Variants in CTDSPL observed in about 807,000 individuals in gnomAD.
CTDSPL encodes the protein CTD small phosphatase-like protein.
Under a neutral mutation model 30.5 loss-of-function variants are expected in CTDSPL, and 8 were observed. The ratio of observed to expected loss-of-function variants is 0.26; its 90% CI spans 0.15 to 0.47. The LOEUF (loss-of-function observed/expected upper bound fraction) is 0.47, where lower values mean the gene tolerates loss of function less well. Ranked by LOEUF, CTDSPL falls within the 20% of genes least tolerant of loss-of-function variation. The probability of loss-of-function intolerance (pLI) is 0.99; values close to 1 mark genes in which losing one functional copy is unlikely to be tolerated. For synonymous variants in CTDSPL, 110 were observed against 137.9 expected, an observed-to-expected ratio of 0.80 and a Z score of 1.42; for missense variants, 248 against 366.1, an observed-to-expected ratio of 0.68 and a Z score of 2.63.
At chr3:37,947,452 A>G (rs1247369980) in intron 2 of CTDSPL, among the ~76,000 whole-genome samples, 1 of 151,888 alleles carries the variant, frequency 6.6e-6, no homozygotes, top group Non-Finnish European at 1.5e-5. Context: ...CCCAGCTACT[A>G]GGGAGGCTGA....
intron 3 of CTDSPL, among the ~76,000 whole-genome samples, chr3:37,960,002 G>A (rs563013132): frequency 4.6e-5 from 7 of 152,220 alleles, no homozygotes; most frequent in South Asian, 2.1e-4. Flanking sequence ...TCAGAAGTTC[G>A]CGACCAGCCT....
At chr3:37,921,643 A>T (rs921973764) in intron 1 of CTDSPL, among the ~76,000 whole-genome samples, 5 of 143,280 alleles carry the variant, frequency 3.5e-5, no homozygotes, top group South Asian at 2.3e-4. Context: ...ACACACACAC[A>T]CTCACACAAA....
At chr3:37,923,637 A>T (rs1019100546) in intron 1 of CTDSPL, among the ~76,000 whole-genome samples, 2 of 152,220 alleles carry the variant, frequency 1.3e-5, no homozygotes, top group African/African-American at 4.8e-5. Context: ...TTTCTTAAAC[A>T]TATCTTATAA....
chr3:37,897,347 A>G (rs1159205647), intron 1 of CTDSPL, among the ~76,000 whole-genome samples: 2 of 152,174 alleles, frequency 1.3e-5, no homozygotes, highest in Non-Finnish European at 2.9e-5. Context: ...AGTTCTGCAC[A>G]TGTCGCAGGT....
intron 1 of CTDSPL, among the ~76,000 whole-genome samples, chr3:37,916,175 G>A (rs186803788): frequency 1.0e-3 from 154 of 152,200 alleles, no homozygotes; most frequent in Middle Eastern, 6.8e-3. Context: ...AATCCCAGGC[G>A]GACCTCTCTG....
At chr3:37,965,700 A>G (rs1004125231) in intron 4 of CTDSPL, among the ~76,000 whole-genome samples, 3 of 152,220 alleles carry the variant, frequency 2.0e-5, no homozygotes, top group African/African-American at 4.8e-5. Context: ...AAATGTGCCC[A>G]AACACCTTTC....
chr3:37,912,787 C>T (rs1168751891), intron 1 of CTDSPL, among the ~76,000 whole-genome samples: 1 of 152,212 alleles, frequency 6.6e-6, no homozygotes, highest in Non-Finnish European at 1.5e-5. Context: ...CCTCACAAGT[C>T]TAGTTTGCTG....
rs757586131 is a variant in CTDSPL at position 37,981,930 on chromosome 3, G to T, written c.*1063G>T. The T allele has an allele frequency of 2.2e-6, 1 of 456,804 alleles. No homozygotes were observed. Among genetic ancestry groups the T allele is most frequent in the Non-Finnish European group, 4.4e-6 (1 of 226,926 alleles). The allele number at this position is 456,804 out of a possible 1,614,324, so 28.3% of individuals were successfully genotyped here. A position where few individuals can be genotyped will look rare whatever the true frequency, so the allele number is the denominator to read the frequency against. On this transcript the variant is annotated 3_prime_UTR_variant, in exon 8 of 8. Coordinates refer to ENST00000273179, the MANE Select transcript of CTDSPL (RefSeq NM_001008392.2). ...CACTGTTCTTTGCCACTGTGCCTATGCTCAGAATATGCTCACTGCTAAGCT... is the reference window on the plus strand; with the variant it reads ...CACTGTTCTTTGCCACTGTGCCTATTCTCAGAATATGCTCACTGCTAAGCT...
At chr3:37,905,149 T>G (rs1698499389) in intron 1 of CTDSPL, among the ~76,000 whole-genome samples, 1 of 152,256 alleles carries the variant, frequency 6.6e-6, no homozygotes, top group Non-Finnish European at 1.5e-5. Flanking sequence ...TCTAGTGTTT[T>G]TAATTTTGTA....
intron 1 of CTDSPL, among the ~76,000 whole-genome samples, chr3:37,896,107 A>C (rs951636707): frequency 1.3e-5 from 2 of 152,180 alleles, no homozygotes; most frequent in Admixed American, 1.3e-4. Context: ...CCTATAAACA[A>C]AGGGCTGTGG....
intron 3 of CTDSPL, 61 bp from the exon 4 acceptor site, chr3:37,964,510 T>C: frequency 8.8e-7 from 1 of 1,136,258 alleles, no homozygotes; most frequent in Non-Finnish European, 1.3e-6. Context: ...AGTAGTATAA[T>C]GCAATACTGA....
chr3:37,969,225 G>A (rs1271940502), intron 5 of CTDSPL, among the ~76,000 whole-genome samples: 11 of 152,340 alleles, frequency 7.2e-5, no homozygotes, highest in East Asian at 1.9e-4. Flanking sequence ...TTTGTACCAC[G>A]TGACTGTAAG....
intron 1 of CTDSPL, among the ~76,000 whole-genome samples, chr3:37,905,702 G>T (rs1198401743): frequency 6.6e-6 from 1 of 152,200 alleles, no homozygotes; most frequent in African/African-American, 2.4e-5. Flanking sequence ...ATTCTGAGTT[G>T]TGGTTTCTTT....
At chr3:37,933,853 A>G (rs535680594) in intron 1 of CTDSPL, among the ~76,000 whole-genome samples, 8 of 152,332 alleles carry the variant, frequency 5.3e-5, no homozygotes, top group African/African-American at 1.9e-4. Context: ...GATGTATTAT[A>G]TATTTTATTT....
intron 7 of CTDSPL, among the ~76,000 whole-genome samples, chr3:37,976,206 C>T (rs976352949): frequency 2.0e-5 from 3 of 152,094 alleles, no homozygotes; most frequent in Non-Finnish European, 4.4e-5. Flanking sequence ...AAGCCTGTAT[C>T]GTCTTATTGA....
chr3:37,941,621 C>G lies in CTDSPL; in HGVS notation c.80-5436C>G, dbSNP rs1312098923. ...TCCAGGCTGGTCTCAAACTTCTGGC[C>G]TCAGGTGATCTGCCCGCCTTGGCCT... is the stretch of plus-strand genomic sequence containing the variant. On this transcript the variant is annotated intron_variant, in intron 1 of 7. Coordinates refer to ENST00000273179, the MANE Select transcript of CTDSPL (RefSeq NM_001008392.2). Among the ~76,000 whole-genome samples the G allele has an allele frequency of 2.0e-5, 3 of 150,006 alleles. 1 individual carries two copies. Among genetic ancestry groups the G allele is most frequent in the Non-Finnish European group, 4.5e-5 (3 of 66,938 alleles).
At chr3:37,919,931 G>T (rs1698694216) in intron 1 of CTDSPL, among the ~76,000 whole-genome samples, 1 of 152,158 alleles carries the variant, frequency 6.6e-6, no homozygotes, top group African/African-American at 2.4e-5. Context: ...AAAGGATAGG[G>T]AATTATGGAA....
intron 6 of CTDSPL, among the ~76,000 whole-genome samples, chr3:37,974,857 T>C (rs1022201836): frequency 4.6e-5 from 7 of 152,300 alleles, no homozygotes; most frequent in East Asian, 3.9e-4. Flanking sequence ...TCAAGACACA[T>C]TGGAGCCAGC....
intron 1 of CTDSPL, among the ~76,000 whole-genome samples, chr3:37,940,546 G>A (rs1219455377): frequency 6.7e-6 from 1 of 150,322 alleles, no homozygotes. Flanking sequence ...CTTACGAGGT[G>A]CAAAGATGAC....
Sources: allele counts gnomAD v4.1 joint callset (sites outside exome capture counted in the v4.1 genomes callset), GRCh38; gene constraint gnomAD v4.1.1; transcripts MANE v1.5; gene names NCBI Gene and HGNC (gene_info 2026-07-23, HGNC 2026-07-21).